EHD4: variants seen among roughly 807,000 people sequenced by gnomAD.
EHD4 encodes EH domain containing 4.
Under a neutral mutation model 51.0 loss-of-function variants are expected in EHD4, and 37 were observed. The observed-to-expected ratio is 0.73, with a 90% CI of 0.56 to 0.95. The LOEUF is 0.95. EHD4 is among the 40% of genes least tolerant of loss of function. The probability of loss-of-function intolerance (pLI) is 0.00; values close to 1 mark genes in which losing one functional copy is unlikely to be tolerated. For synonymous variants in EHD4, 297 were observed against 317.3 expected (o/e 0.94, Z 0.68); for missense variants, 632 against 733.1 (o/e 0.86, Z 1.59).
intron 1 of EHD4, among the ~76,000 whole-genome samples, chr15:41,960,979 C>T (rs1338159654): frequency 6.6e-6 from 1 of 152,122 alleles, no homozygotes; most frequent in Non-Finnish European, 1.5e-5. Flanking sequence ...GCCTCACTTA[C>T]ATTTTAAATG....
At chr15:41,949,275 G>A (rs1293926516) in intron 2 of EHD4, among the ~76,000 whole-genome samples, 5 of 151,428 alleles carry the variant, frequency 3.3e-5, no homozygotes, top group African/African-American at 9.7e-5. Flanking sequence ...GAGGCTGAGA[G>A]AGGAGAATCA....
chr15:41,929,473 G>T (rs865877411), intron 3 of EHD4, among the ~76,000 whole-genome samples: 4 of 152,242 alleles, frequency 2.6e-5, no homozygotes, highest in Non-Finnish European at 4.4e-5. Context: ...CTGCTTCTGG[G>T]CATGTGACCA....
intron 3 of EHD4, among the ~76,000 whole-genome samples, chr15:41,924,697 A>C (rs1470008683): frequency 6.6e-6 from 1 of 152,152 alleles, no homozygotes; most frequent in Non-Finnish European, 1.5e-5. Flanking sequence ...GGGTGATGGA[A>C]AGTTTCTATA....
intron 1 of EHD4, among the ~76,000 whole-genome samples, chr15:41,960,166 G>A (rs1348799503): frequency 1.3e-5 from 2 of 152,100 alleles, no homozygotes; most frequent in South Asian, 2.1e-4. Context: ...CTCTGAAGCC[G>A]TACTGTACAG....
At chr15:41,933,007 C>G (rs1217037645) in intron 3 of EHD4, among the ~76,000 whole-genome samples, 2 of 152,224 alleles carry the variant, frequency 1.3e-5, no homozygotes, top group Non-Finnish European at 2.9e-5. Flanking sequence ...ATGGTTTACA[C>G]ATGTTATCTT....
In EHD4 at chr15:41,972,308, TG is replaced by T. The variant is rs1566829743; in HGVS notation, c.186del (p.Met63Ter). On this transcript the variant is annotated frameshift_variant, in exon 1 of 6. Coordinates refer to ENST00000220325, the MANE Select transcript of EHD4 (RefSeq NM_139265.4). LOFTEE classifies it high-confidence loss of function. ...ALEDADFENKPMILLVGQYST... is the reference protein window; with the variant it reads ...ALEDADFENKXMILLVGQYST... The stretch of plus-strand genomic sequence containing the variant: ...CTGTACTGGCCCACCAGCAGGATCA[TG>T]GGCTTGTTCTCGAAGTCGGCGTCCT... 3 of 1,611,008 alleles carry T rather than the reference TG, an allele frequency of 1.9e-6. No individual in the cohort carries two copies. In the Admixed American group the frequency reaches 5.0e-5, roughly 27 times the overall value.
intron 1 of EHD4, among the ~76,000 whole-genome samples, chr15:41,971,003 C>T (rs2067991596): frequency 6.6e-6 from 1 of 152,158 alleles, no homozygotes; most frequent in African/African-American, 2.4e-5. Flanking sequence ...TCCATAAGCA[C>T]CAAATAAAGC....
chr15:41,912,101 C>T (rs775999887), intron 4 of EHD4, among the ~76,000 whole-genome samples: 4 of 152,166 alleles, frequency 2.6e-5, no homozygotes, highest in Admixed American at 1.3e-4. Context: ...GGCTGATGAC[C>T]GAGGTGGCCC....
At chr15:41,925,957 G>T (rs913839297) in intron 3 of EHD4, 1 of 152,206 alleles carries the variant, frequency 6.6e-6, no homozygotes, top group Non-Finnish European at 1.5e-5. Context: ...TAGCACGGGG[G>T]TCCCTGAGGA....
chr15:41,906,358 G>A (rs1459430590), intron 5 of EHD4, among the ~76,000 whole-genome samples: 1 of 152,180 alleles, frequency 6.6e-6, no homozygotes, highest in Admixed American at 6.5e-5. Flanking sequence ...CAGCCACACT[G>A]GGGAGATGAC....
chr15:41,928,940 T>C (rs1198364503), intron 3 of EHD4: 1 of 152,204 alleles, frequency 6.6e-6, no homozygotes. Context: ...CCAAACCCGG[T>C]CTGGGAGACT....
intron 4 of EHD4, among the ~76,000 whole-genome samples, chr15:41,910,225 G>GA (rs1191464575): frequency 6.6e-6 from 1 of 152,184 alleles, no homozygotes; most frequent in Non-Finnish European, 1.5e-5. Flanking sequence ...AACAGGAAAT[G>GA]AAACTGGAGG....
rs1420586542 is a variant in EHD4, at chr15:41,897,385, CAA to C, written c.*3258_*3259del. On this transcript the variant is annotated 3_prime_UTR_variant, in exon 6 of 6. Coordinates refer to ENST00000220325, the MANE Select transcript of EHD4 (RefSeq NM_139265.4). The stretch of plus-strand genomic sequence containing the variant: ...AACCACAGCTCCACAGCCCCAAATC[CAA>C]AGATGCTCTTGCTGCAGCACGACAA... 6.6e-6 allele frequency: 1 copy of C among 152,262 alleles called. No individual in the cohort carries two copies. The highest frequency in any genetic ancestry group is 1.5e-5 in the Non-Finnish European group (1 of 68,066). The allele number at this position is 152,262 out of a possible 1,614,324, so 9.4% of individuals were successfully genotyped here.
Position 41,943,113 on chromosome 15 carries a change from G to A in EHD4, c.465C>T (p.Ile155=), listed in dbSNP as rs1012260347. 2.5e-6 allele frequency: 4 copies of A among 1,592,922 alleles called. No homozygotes were observed. Among genetic ancestry groups the A allele is most frequent in the South Asian group, 1.1e-5 (1 of 87,240 alleles). Residue 155 remains isoleucine, a synonymous_variant, in exon 3 of 6, where the codon ATC becomes ATT. Coordinates refer to ENST00000220325, the MANE Select transcript of EHD4 (RefSeq NM_139265.4). ...CCCCAGAAAGGATGCCGGGGCTGTC[G>A]ATGACGCTGATGCTCTTCAGGACCT... The part of the protein sequence containing the change: ...PNQVLKSISV[I]DSPGILSGEK...
At chr15:41,919,170 C>T in intron 4 of EHD4, 40 bp downstream of exon 4, 1 of 1,610,996 alleles carries the variant, frequency 6.2e-7, no homozygotes, top group Non-Finnish European at 8.5e-7. Flanking sequence ...ACAGCAGAGT[C>T]CCAGCCCCTG....
intron 1 of EHD4, among the ~76,000 whole-genome samples, chr15:41,954,348 G>A (rs2067872741): frequency 1.3e-5 from 2 of 152,188 alleles, no homozygotes; most frequent in South Asian, 4.1e-4. Context: ...ATGCCAGGAG[G>A]ATGATCTTCG....
At chr15:41,958,179 G>A (rs2067900124) in intron 1 of EHD4, among the ~76,000 whole-genome samples, 1 of 151,862 alleles carries the variant, frequency 6.6e-6, no homozygotes, top group Non-Finnish European at 1.5e-5. Context: ...CAGGCATCCT[G>A]TGCTTTGGAG....
chr15:41,910,694 G>A (rs571949845), intron 4 of EHD4, among the ~76,000 whole-genome samples: 4 of 152,200 alleles, frequency 2.6e-5, no homozygotes, highest in South Asian at 2.1e-4. Context: ...TCAGCCTCCC[G>A]AGTAGCTGGG....
chr15:41,941,806 C>G (rs1387576429), intron 3 of EHD4: 1 of 152,078 alleles, frequency 6.6e-6, no homozygotes, highest in Non-Finnish European at 1.5e-5. Context: ...TTATTGGCCT[C>G]GGAATCCCTT....
Sources: allele counts gnomAD v4.1 joint callset (sites outside exome capture counted in the v4.1 genomes callset), GRCh38; gene constraint gnomAD v4.1.1; transcripts MANE v1.5; gene names NCBI Gene and HGNC (gene_info 2026-07-23, HGNC 2026-07-21).